The following LRP4 variants were observed in gnomAD, a reference collection of about 807,000 sequenced individuals.
LRP4 encodes the protein low-density lipoprotein receptor-related protein 4.
Under a neutral mutation model 220.3 loss-of-function variants are expected in LRP4, and 95 were observed. That is an observed-to-expected ratio of 0.43 (90% CI 0.37 to 0.51). LRP4 has a LOEUF of 0.51. Ranked by LOEUF, LRP4 falls within the 20% of genes least tolerant of loss-of-function variation. The pLI, the probability that LRP4 is intolerant of heterozygous loss-of-function variation, is 0.00. For missense variants in LRP4, 1,925 were observed against 2,567.0 expected (o/e 0.75, Z 5.40); for synonymous variants, 903 against 954.6 (o/e 0.95, Z 1.00).
chr11:46,878,274 CTTTTTTTTTTT>C (rs71042631), intron 22 of LRP4, among the ~76,000 whole-genome samples: 2 of 74,982 alleles, frequency 2.7e-5, no homozygotes, highest in African/African-American at 9.3e-5. Context: ...TTAGAAGTGT[CTTTTTTTTTTT>C]TTTTTTTTTT....
intron 1 of LRP4, among the ~76,000 whole-genome samples, chr11:46,914,493 T>C (rs1419631649): frequency 6.6e-6 from 1 of 152,178 alleles, no homozygotes; most frequent in Non-Finnish European, 1.5e-5. Flanking sequence ...TCATCAGAAC[T>C]ATTTATAAGG....
chr11:46,879,072 A>G, intron 21 of LRP4, 34 bp from the exon 22 acceptor site: 1 of 1,614,174 alleles, frequency 6.2e-7, no homozygotes, highest in Non-Finnish European at 8.5e-7. Context: ...CAATGGGGAG[A>G]GCTAGGGCAT....
intron 16 of LRP4, among the ~76,000 whole-genome samples, chr11:46,887,994 G>A (rs372883674): frequency 9.2e-6 from 1 of 108,540 alleles, no homozygotes; most frequent in East Asian, 3.1e-4. Flanking sequence ...CAGCCTAGGT[G>A]ACAGAGCAAG....
rs377053209 is a variant in LRP4, at chr11:46,899,182, C to T, written c.548-150G>A. On this transcript the variant is annotated intron_variant, in intron 5 of 37. Coordinates refer to ENST00000378623, the MANE Select transcript of LRP4 (RefSeq NM_002334.4). This position sits in a 1 kb window ranked among gnomAD's most constrained non-coding sequence, Gnocchi z 5.9. The stretch of plus-strand genomic sequence containing the variant: ...TTTCATCTGGGACAGCCCTTATAGA[C>T]GCCCATATTCAGGTGGACCAAAGGA... 11 of 916,296 alleles carry T rather than the reference C, an allele frequency of 1.2e-5. No homozygotes were observed. The highest frequency in any genetic ancestry group is 2.9e-5 in the South Asian group (2 of 68,108). 56.8% of individuals were successfully genotyped at this position (916,296 alleles called of 1,614,324 possible).
At position 46,890,937 on chromosome 11, in the gene LRP4, G is replaced by A. The variant is rs907981515; in HGVS notation, c.1698-443C>T. Among the ~76,000 whole-genome samples the A allele has an allele frequency of 6.6e-6, 1 of 151,858 alleles. No individual in the cohort carries two copies. The highest frequency in any genetic ancestry group is 1.5e-5 in the Non-Finnish European group (1 of 67,980). On this transcript the variant is annotated intron_variant, in intron 13 of 37. Transcript: ENST00000378623. This position sits in a 1 kb window ranked among gnomAD's most constrained non-coding sequence, Gnocchi z 5.3. ...GTCTGAGTTTAAATGTCTTTAGACA[G>A]GGCATTTATTCATTTAATAATTTTT...
chr11:46,881,474 T>C (rs1047964614), intron 20 of LRP4, among the ~76,000 whole-genome samples: 1 of 152,172 alleles, frequency 6.6e-6, no homozygotes, highest in African/African-American at 2.4e-5. Flanking sequence ...CACAAGTCCC[T>C]AGTTTCTTTT....
chr11:46,878,439 A>T (rs1193410594), intron 22 of LRP4, among the ~76,000 whole-genome samples: 1 of 151,682 alleles, frequency 6.6e-6, no homozygotes, highest in Admixed American at 6.6e-5. Context: ...ATGCCTGGCT[A>T]ATTTTTGTAT....
chr11:46,891,219 TTC>T (rs544408617), intron 13 of LRP4, among the ~76,000 whole-genome samples: 35 of 152,198 alleles, frequency 2.3e-4, no homozygotes, highest in African/African-American at 7.5e-4. Flanking sequence ...ACCCAAGTGA[TTC>T]TCCTGCCTCA....
chr11:46,888,013 T>C (rs1451530462), intron 16 of LRP4, among the ~76,000 whole-genome samples: 1 of 2,044 alleles, frequency 4.9e-4, no homozygotes, highest in Non-Finnish European at 1.3e-3. Context: ...AGACCCTGTC[T>C]CAAAAAAAAA....
rs1478508007 is a variant in LRP4, at chr11:46,875,967, CTGAG to C, written c.3537-5_3537-2del. On this transcript the variant is annotated splice_acceptor_variant and splice_polypyrimidine_tract_variant and intron_variant, in intron 25 of 37. Transcript: ENST00000378623. LOFTEE classifies it high-confidence loss of function. This position sits in a 1 kb window ranked among gnomAD's most constrained non-coding sequence, Gnocchi z 4.5. ...CCCCCAGTCTGTCCAGTACATAAACCTGAGTGAGGAAGAATATTAGCTATATTAG... is the reference window on the plus strand; with the variant it reads ...CCCCCAGTCTGTCCAGTACATAAACCTGAGGAAGAATATTAGCTATATTAG... 4 of 1,613,954 alleles carry C rather than the reference CTGAG, an allele frequency of 2.5e-6. No homozygotes were observed. The highest frequency in any genetic ancestry group is 1.7e-5 in the Admixed American group (1 of 60,002).
intron 19 of LRP4, among the ~76,000 whole-genome samples, chr11:46,883,115 CAAT>C (rs753213893): frequency 6.6e-6 from 1 of 152,002 alleles, no homozygotes; most frequent in Non-Finnish European, 1.5e-5. Flanking sequence ...ATTTTTTTAA[CAAT>C]GAGTTACTTT....
At chr11:46,903,736 G>C (rs912637552) in intron 1 of LRP4, among the ~76,000 whole-genome samples, 1 of 152,220 alleles carries the variant, frequency 6.6e-6, no homozygotes, top group African/African-American at 2.4e-5. Context: ...TTTAGGATAA[G>C]GAATCCACAC....
intron 1 of LRP4, among the ~76,000 whole-genome samples, chr11:46,910,676 C>T (rs1345780044): frequency 3.0e-4 from 4 of 13,308 alleles, no homozygotes; most frequent in Non-Finnish European, 4.3e-4. Context: ...TTTATCCTTG[C>T]CCCCTTTTTT....
Position 46,914,044 on chromosome 11 carries a change from G to A in LRP4, c.52+4284C>T, listed in dbSNP as rs111970061. On this transcript the variant is annotated intron_variant, in intron 1 of 37. Coordinates refer to ENST00000378623, the MANE Select transcript of LRP4 (RefSeq NM_002334.4). ...ATGTTCTAAAGCCAAGAATCATCTC[G>A]GATCCACTTAGGTGACTTTGCTTAC... 2.8e-4 allele frequency among the ~76,000 whole-genome samples: 42 copies of A among 152,182 alleles called. 1 individual carries two copies. The highest frequency in any genetic ancestry group is 9.4e-4 in the African/African-American group (39 of 41,470).
rs1592536125 is a variant in LRP4 at position 46,889,811 on chromosome 11, C to A, written c.2092+133G>T. 3 of 1,029,500 alleles carry A rather than the reference C, an allele frequency of 2.9e-6. No individual in the cohort carries two copies. The East Asian group carries it at 7.5e-5, about 26-fold the overall frequency. 63.8% of individuals were successfully genotyped at this position (1,029,500 alleles called of 1,614,324 possible). A position where few individuals can be genotyped will look rare whatever the true frequency, so the allele number is the denominator to read the frequency against. ...AATGTCCAGCAGAGGGAGGAATTAG[C>A]CCATGTCAGTGCCCTGCTGGATTTC... On this transcript the variant is annotated intron_variant, in intron 15 of 37. Transcript: ENST00000378623.
chr11:46,858,880 G>A lies in LRP4; in HGVS notation c.*103C>T. 2 of 1,107,274 alleles carry A rather than the reference G, an allele frequency of 1.8e-6. No individual in the cohort carries two copies. The highest frequency in any genetic ancestry group is 2.8e-6 in the Non-Finnish European group (2 of 724,894). 68.6% of individuals were successfully genotyped at this position (1,107,274 alleles called of 1,614,324 possible). A position where few individuals can be genotyped will look rare whatever the true frequency, so the allele number is the denominator to read the frequency against. On this transcript the variant is annotated 3_prime_UTR_variant, in exon 38 of 38. Coordinates refer to ENST00000378623, the MANE Select transcript of LRP4 (RefSeq NM_002334.4). Reference sequence around the variant, plus strand: ...AACAGTTATGGGGTGGGAGGAGGAGGAGGACAAGCACACAGAAGCGGGGCC... The same window carrying A: ...AACAGTTATGGGGTGGGAGGAGGAGAAGGACAAGCACACAGAAGCGGGGCC...
intron 30 of LRP4, among the ~76,000 whole-genome samples, chr11:46,872,537 A>G (rs1402978048): frequency 6.6e-6 from 1 of 152,140 alleles, no homozygotes; most frequent in Non-Finnish European, 1.5e-5. Context: ...TGAGTCCAGG[A>G]GTTCGAGACC....
intron 37 of LRP4, 151 bp downstream of exon 37, chr11:46,862,455 C>A: frequency 1.2e-6 from 1 of 856,106 alleles, no homozygotes. Flanking sequence ...CCCAGAAACC[C>A]AAATTACATT....
chr11:46,901,526 T>C (rs541701401), intron 2 of LRP4, among the ~76,000 whole-genome samples: 1 of 152,270 alleles, frequency 6.6e-6, no homozygotes, highest in East Asian at 1.9e-4. Context: ...GCTGAACTGG[T>C]TAGGGTTAAT....
Sources: gnomAD v4.1 joint callset for allele counts (sites outside exome capture counted in the v4.1 genomes callset) on GRCh38, gnomAD v4.1.1 for gene constraint, Gnocchi (gnomAD v3.1) non-coding constraint, MANE v1.5 for transcripts, NCBI Gene and HGNC (gene_info 2026-07-23, HGNC 2026-07-21) for gene names.